Variants in UBQLN4 observed in about 807,000 individuals in gnomAD.
UBQLN4 encodes ubiquilin 4, also known as ubiquilin-4.
Under a neutral mutation model 60.4 loss-of-function variants are expected in UBQLN4, and 11 were observed. The ratio of observed to expected loss-of-function variants is 0.18; its 90% CI spans 0.11 to 0.30. UBQLN4 has a LOEUF of 0.30. UBQLN4 is among the 10% of genes least tolerant of loss of function. The pLI is 1.00. For synonymous variants in UBQLN4, 258 were observed against 313.1 expected (o/e 0.82, Z 1.86); for missense variants, 417 against 795.5 (o/e 0.52, Z 5.72).
downstream of UBQLN4, chr1:156,033,308 C>A: frequency 1.0e-6 from 1 of 985,112 alleles, no homozygotes; most frequent in South Asian, 4.7e-5. Context: ...AGAGTGTAAT[C>A]CTTCCGCTTA....
In UBQLN4 at chr1:156,050,664, C is replaced by T. The variant is rs1010826007; in HGVS notation, c.479-111G>A. 7.0e-7 allele frequency: 1 copy of T among 1,418,896 alleles called. No homozygotes were observed. The highest frequency in any genetic ancestry group is 9.3e-7 in the Non-Finnish European group (1 of 1,071,720). 87.9% of individuals were successfully genotyped at this position (1,418,896 alleles called of 1,614,324 possible). On this transcript the variant is annotated intron_variant, in intron 3 of 10. Coordinates refer to ENST00000368309, the MANE Select transcript of UBQLN4 (RefSeq NM_020131.5). The surrounding 1 kb of genome is among the most constrained non-coding windows in gnomAD (Gnocchi z 4.6). ...CGCCCCAAATGCTTCTCACATGTCC[C>T]TCTTCCTGTCATTCCCACAGCCCGG...
Position 156,048,661 on chromosome 1 carries a change from T to C in UBQLN4, c.742-2A>G, listed in dbSNP as rs1417952379. 1 of 1,611,198 alleles carries C rather than the reference T, an allele frequency of 6.2e-7. No homozygotes were observed. Among genetic ancestry groups the C allele is most frequent in the Non-Finnish European group, 8.5e-7 (1 of 1,177,624 alleles). On this transcript the variant is annotated splice_acceptor_variant, in intron 4 of 10. Transcript: ENST00000368309. LOFTEE classifies it high-confidence loss of function. The surrounding 1 kb of genome is among the most constrained non-coding windows in gnomAD (Gnocchi z 4.9). ...TGGATTCCGAGCAAGCTCCATTGTCTGATCAAGGGAGAGAGACAAAATGGG... is the reference window on the plus strand; with the variant it reads ...TGGATTCCGAGCAAGCTCCATTGTCCGATCAAGGGAGAGAGACAAAATGGG...
chr1:156,047,911 A>G (rs1683759426), intron 5 of UBQLN4, among the ~76,000 whole-genome samples: 1 of 151,266 alleles, frequency 6.6e-6, no homozygotes, highest in African/African-American at 2.4e-5. Context: ...AAAAAAAAAG[A>G]AAGAAAGAAA....
chr1:156,042,093 A>G (rs1446327142), intron 8 of UBQLN4, 60 bp downstream of exon 8: 1 of 1,609,978 alleles, frequency 6.2e-7, no homozygotes, highest in Non-Finnish European at 8.5e-7. Context: ...ATTTCCACCC[A>G]TTGGGCTTCA....
downstream of UBQLN4, among the ~76,000 whole-genome samples, chr1:156,032,888 AGAT>A (rs1683319267): frequency 6.6e-6 from 1 of 152,208 alleles, no homozygotes; most frequent in Non-Finnish European, 1.5e-5. Flanking sequence ...TGCATTCTCC[AGAT>A]GAGGAAAAAT....
At position 156,043,984 on chromosome 1, in the gene UBQLN4, A is replaced by G; in HGVS notation, c.1126+14T>C. On this transcript the variant is annotated intron_variant, in intron 6 of 10. Transcript: ENST00000368309. ...CTGGTGACCCCACTAAGCTCCTTCC[A>G]TCCTAGGACATACCTGACCCCAGGC... 6.2e-7 allele frequency: 1 copy of G among 1,613,318 alleles called. No individual in the cohort carries two copies. The highest frequency in any genetic ancestry group is 8.5e-7 in the Non-Finnish European group (1 of 1,179,588).
Position 156,036,946 on chromosome 1 carries a change from G to A in UBQLN4, c.*32C>T. The A allele has an allele frequency of 3.7e-6, 6 of 1,607,072 alleles. No individual in the cohort carries two copies. The highest frequency in any genetic ancestry group is 5.1e-6 in the Non-Finnish European group (6 of 1,176,704). On this transcript the variant is annotated 3_prime_UTR_variant, in exon 11 of 11. Coordinates refer to ENST00000368309, the MANE Select transcript of UBQLN4 (RefSeq NM_020131.5). ...GAAGAACCGAATGCTGACATCGAGGGAGGGGAGAGGCAGGAGGCATGGGCC... is the reference window on the plus strand; with the variant it reads ...GAAGAACCGAATGCTGACATCGAGGAAGGGGAGAGGCAGGAGGCATGGGCC...
In UBQLN4 at chr1:156,050,574, C is replaced by T. The variant is rs747730239; in HGVS notation, c.479-21G>A. On this transcript the variant is annotated intron_variant, in intron 3 of 10. Coordinates refer to ENST00000368309, the MANE Select transcript of UBQLN4 (RefSeq NM_020131.5). The surrounding 1 kb of genome is among the most constrained non-coding windows in gnomAD (Gnocchi z 4.6). The stretch of plus-strand genomic sequence containing the variant: ...GCCAGCTGTGGGAAGGGGGCAGGGT[C>T]ACAGTCTGCCACAAGAACAGTGTCC... The T allele has an allele frequency of 1.3e-6, 2 of 1,588,024 alleles. No homozygotes were observed. Among genetic ancestry groups the T allele is most frequent in the South Asian group, 1.1e-5 (1 of 87,336 alleles).
chr1:156,039,936 CAAAAAAAAAAAA>C (rs34790727), intron 10 of UBQLN4, among the ~76,000 whole-genome samples: 1 of 72,008 alleles, frequency 1.4e-5, no homozygotes. Flanking sequence ...GACTCCGTCT[CAAAAAAAAAAAA>C]AAAAAAAAAA....
At chr1:156,043,879 T>C in intron 6 of UBQLN4, 119 bp downstream of exon 6, 1 of 1,117,102 alleles carries the variant, frequency 9.0e-7, no homozygotes, top group Admixed American at 2.2e-5. Context: ...GCCCCCTCTG[T>C]GGCCTCGATA....
rs958424895 is a variant in UBQLN4 at position 156,053,753 on chromosome 1, C to T, written c.-52G>A. The T allele has an allele frequency of 6.1e-5, 71 of 1,164,230 alleles. No individual in the cohort carries two copies. Among genetic ancestry groups the T allele is most frequent in the Admixed American group, 4.0e-4 (9 of 22,590 alleles). The allele number at this position is 1,164,230 out of a possible 1,614,324, so 72.1% of individuals were successfully genotyped here. On this transcript the variant is annotated 5_prime_UTR_variant, in exon 1 of 11. Transcript: ENST00000368309. ...CAGCCCGCCCGGCTCCTCCTCCTCC[C>T]CGCCCGCCCGGCCGGCCCGGCTCGG...
At position 156,050,960 on chromosome 1, in the gene UBQLN4, G is replaced by T. The variant is rs933747578; in HGVS notation, c.478+150C>A. 2 of 781,302 alleles carry T rather than the reference G, an allele frequency of 2.6e-6. No individual in the cohort carries two copies. The highest frequency in any genetic ancestry group is 2.4e-5 in the Admixed American group (1 of 40,894). 48.4% of individuals were successfully genotyped at this position (781,302 alleles called of 1,614,324 possible). ...ACTCCTCAGACTAGTTTCTTCCCCA[G>T]CTTGACTCAAGTATCAATGTCTGGA... On this transcript the variant is annotated intron_variant, in intron 3 of 10. Transcript: ENST00000368309. This position sits in a 1 kb window ranked among gnomAD's most constrained non-coding sequence, Gnocchi z 4.6.
rs1331931832 is a variant in UBQLN4 at position 156,051,285 on chromosome 1, T to G, written c.303A>C (p.Thr101=). ...TGGAGGGTGCTGAGGCAGGGTCAGG[T>G]GTGGAGGGGGAAGAAGCAGTGGCAG... The part of the protein sequence containing the change: ...PAAATASSPS[T]PDPASAPSTT... The change falls in exon 3 of 11, where the codon ACA becomes ACC. Residue 101 remains threonine, a synonymous_variant. Coordinates refer to ENST00000368309, the MANE Select transcript of UBQLN4 (RefSeq NM_020131.5). 1.3e-6 allele frequency: 2 copies of G among 1,563,900 alleles called. No homozygotes were observed. Among genetic ancestry groups the G allele is most frequent in the Non-Finnish European group, 1.7e-6 (2 of 1,153,364 alleles).
chr1:156,035,406 T>C lies in UBQLN4; in HGVS notation c.*1572A>G. ...TCTTCTCTGGACTGCTTGGGACCCTTTCCCACTTGGAGCAAACTCTGTTCC... is the reference window on the plus strand; with the variant it reads ...TCTTCTCTGGACTGCTTGGGACCCTCTCCCACTTGGAGCAAACTCTGTTCC... On this transcript the variant is annotated 3_prime_UTR_variant, in exon 11 of 11. Coordinates refer to ENST00000368309, the MANE Select transcript of UBQLN4 (RefSeq NM_020131.5). The C allele has an allele frequency of 4.1e-6, 4 of 985,034 alleles. No individual in the cohort carries two copies. Among genetic ancestry groups the C allele is most frequent in the African/African-American group, 3.5e-5 (2 of 57,220 alleles). 61.0% of individuals were successfully genotyped at this position (985,034 alleles called of 1,614,324 possible).
intron 10 of UBQLN4, among the ~76,000 whole-genome samples, chr1:156,037,612 A>C (rs1326309654): frequency 2.0e-5 from 3 of 152,196 alleles, no homozygotes; most frequent in Non-Finnish European, 2.9e-5. Flanking sequence ...CAAAAACAAA[A>C]AAACAAACAA....
chr1:156,039,845 G>A (rs990336256), intron 10 of UBQLN4, among the ~76,000 whole-genome samples: 6 of 144,250 alleles, frequency 4.2e-5, no homozygotes, highest in African/African-American at 1.5e-4. Flanking sequence ...GCTGAGGCAG[G>A]AGAATGGCCT....
In UBQLN4 at chr1:156,044,196, C is replaced by A. The variant is rs781324941; in HGVS notation, c.928G>T (p.Ala310Ser). The change falls in exon 6 of 11, where the codon GCC becomes TCC. Residue 310 changes from alanine to serine, a missense_variant. Transcript: ENST00000368309. ...GAGGATGAGCTGTCGGAGTTCCCGG[C>A]CAGGGAAGAGAAGGGATTGTTGCCA... ...QFGNNPFSSL[A>S]GNSDSSSSQP... The A allele has an allele frequency of 1.3e-6, 2 of 1,568,854 alleles. No individual in the cohort carries two copies. Among genetic ancestry groups the A allele is most frequent in the South Asian group, 1.2e-5 (1 of 85,764 alleles).
chr1:156,051,959 T>G (rs2102757842), intron 1 of UBQLN4, 102 bp from the exon 2 acceptor site: 1 of 1,456,564 alleles, frequency 6.9e-7, no homozygotes, highest in Admixed American at 2.0e-5. Context: ...TGCTCTCATC[T>G]CTAGTCATGG....
In UBQLN4 at chr1:156,048,488, C is replaced by T; in HGVS notation, c.900+13G>A. 1 of 1,604,126 alleles carries T rather than the reference C, an allele frequency of 6.2e-7. No individual in the cohort carries two copies. The highest frequency in any genetic ancestry group is 8.5e-7 in the Non-Finnish European group (1 of 1,172,296). On this transcript the variant is annotated intron_variant, in intron 5 of 10. Transcript: ENST00000368309. This position sits in a 1 kb window ranked among gnomAD's most constrained non-coding sequence, Gnocchi z 4.9. ...CAGACAGCCCAACCCACTACCCTGG[C>T]CCTTGATCCCACCTGTTCCCGGGCA...
Sources: allele counts gnomAD v4.1 joint callset (sites outside exome capture counted in the v4.1 genomes callset), GRCh38; gene constraint gnomAD v4.1.1; non-coding constraint Gnocchi (gnomAD v3.1); transcripts MANE v1.5; gene names NCBI Gene and HGNC (gene_info 2026-07-23, HGNC 2026-07-21).